DPYD: variants seen among roughly 807,000 people sequenced by gnomAD.
DPYD encodes the protein dihydropyrimidine dehydrogenase [NADP(+)].
Under a neutral mutation model 116.2 loss-of-function variants are expected in DPYD, and 109 were observed. The observed-to-expected ratio is 0.94, with a 90% confidence interval of 0.80 to 1.10. The LOEUF (loss-of-function observed/expected upper bound fraction) is 1.10, where lower values mean the gene tolerates loss of function less well. Ranked by LOEUF, DPYD falls within the 50% of genes least tolerant of loss-of-function variation. DPYD has a pLI of 0.00. For missense variants in DPYD, 1,302 were observed against 1,254.5 expected, an observed-to-expected ratio of 1.04 and a Z score of -0.57; for synonymous variants, 440 against 432.0, an observed-to-expected ratio of 1.02 and a Z score of -0.23.
chr1:97,527,828 C>G (rs1649267372), intron 12 of DPYD, among the ~76,000 whole-genome samples: 1 of 146,558 alleles, frequency 6.8e-6, no homozygotes, highest in Non-Finnish European at 1.5e-5. Context: ...GAGAAAAGCA[C>G]TACTAAAAGC....
intron 12 of DPYD, among the ~76,000 whole-genome samples, chr1:97,542,629 G>T (rs1650535536): frequency 6.6e-6 from 1 of 152,026 alleles, no homozygotes; most frequent in African/African-American, 2.4e-5. Context: ...GGTTACCTTT[G>T]TAACTTGATG....
At chr1:97,693,286 G>A (rs1429824773) in intron 6 of DPYD, among the ~76,000 whole-genome samples, 15 of 87,788 alleles carry the variant, frequency 1.7e-4, no homozygotes, top group Admixed American at 8.8e-4. Context: ...GCCAGACTCC[G>A]TCTCAAAAAA....
At chr1:97,654,532 G>A (rs531172641) in intron 8 of DPYD, among the ~76,000 whole-genome samples, 12 of 151,974 alleles carry the variant, frequency 7.9e-5, no homozygotes, top group East Asian at 3.9e-4. Context: ...ATATTTTCAC[G>A]ATTATGTGAG....
At chr1:97,460,627 G>C (rs2101821775) in intron 13 of DPYD, among the ~76,000 whole-genome samples, 1 of 152,284 alleles carries the variant, frequency 6.6e-6, no homozygotes, top group Non-Finnish European at 1.5e-5. Context: ...AGTGCAGGGA[G>C]AGGCCTTCTC....
In DPYD at chr1:97,324,781, T is replaced by C. The variant is rs114255431; in HGVS notation, c.2059-18484A>G. ...AGGAGACCCTTGCAGAAAGAAGTGA[T>C]AAATATCACCCAGATCCAGGAAAGC... On this transcript the variant is annotated intron_variant, in intron 16 of 22. Transcript: ENST00000370192. Among the ~76,000 whole-genome samples the C allele has an allele frequency of 4.4e-3, 668 of 152,148 alleles. 3 individuals carry two copies. Among genetic ancestry groups the C allele is most frequent in the African/African-American group, 0.015 (625 of 41,546 alleles).
chr1:97,097,028 T>C (rs971057951), intron 21 of DPYD, among the ~76,000 whole-genome samples: 1 of 152,134 alleles, frequency 6.6e-6, no homozygotes, highest in Non-Finnish European at 1.5e-5. Flanking sequence ...TAGCCACACA[T>C]TGGCAAAAAG....
chr1:97,706,907 A>T (rs1661995279), intron 5 of DPYD, among the ~76,000 whole-genome samples: 1 of 152,070 alleles, frequency 6.6e-6, no homozygotes, highest in Non-Finnish European at 1.5e-5. Flanking sequence ...TTAATTTTGC[A>T]AGATACTGTC....
chr1:97,569,636 C>T (rs564544827), intron 11 of DPYD, among the ~76,000 whole-genome samples: 3 of 151,662 alleles, frequency 2.0e-5, no homozygotes, highest in South Asian at 2.1e-4. Flanking sequence ...GATATGGAGT[C>T]GTACATTCTT....
At chr1:97,810,270 G>C (rs1668285835) in intron 3 of DPYD, among the ~76,000 whole-genome samples, 1 of 111,218 alleles carries the variant, frequency 9.0e-6, no homozygotes, top group African/African-American at 3.5e-5. Flanking sequence ...CTGGGCAACA[G>C]AGTGAGACTC....
At chr1:97,357,310 T>G (rs537912429) in intron 16 of DPYD, among the ~76,000 whole-genome samples, 2 of 152,320 alleles carry the variant, frequency 1.3e-5, no homozygotes, top group South Asian at 2.1e-4. Flanking sequence ...TCATTGATTT[T>G]TGTTTATTGA....
chr1:97,250,226 C>T lies in DPYD; in HGVS notation c.2300-15232G>A, dbSNP rs145746323. On this transcript the variant is annotated intron_variant, in intron 18 of 22. Transcript: ENST00000370192. ...CGGAGGTTGCAGTGAGCCGAGATCACGCCATTGCACCCCAGCCCAGGCAAC... is the reference window on the plus strand; with the variant it reads ...CGGAGGTTGCAGTGAGCCGAGATCATGCCATTGCACCCCAGCCCAGGCAAC... 2.1e-3 allele frequency among the ~76,000 whole-genome samples: 318 copies of T among 152,028 alleles called. 1 individual carries two copies. In the East Asian group the frequency reaches 0.027, roughly 13 times the overall value.
intron 3 of DPYD, among the ~76,000 whole-genome samples, chr1:97,808,547 T>C (rs543271490): frequency 1.3e-5 from 2 of 152,198 alleles, no homozygotes; most frequent in African/African-American, 4.8e-5. Flanking sequence ...ATTTCCTACA[T>C]GGACAATCAT....
At chr1:97,247,864 T>C (rs554723097) in intron 18 of DPYD, among the ~76,000 whole-genome samples, 2 of 152,264 alleles carry the variant, frequency 1.3e-5, no homozygotes, top group African/African-American at 4.8e-5. Context: ...GTTGAATTCA[T>C]AATAAAAAAC....
At chr1:97,573,688 G>A (rs2102181226) in intron 11 of DPYD, 72 bp downstream of exon 11, 2 of 1,580,584 alleles carry the variant, frequency 1.3e-6, no homozygotes, top group Non-Finnish European at 8.7e-7. Flanking sequence ...ACAATTCCCT[G>A]AAAGCTAGAA....
rs146972655 is a variant in DPYD, at chr1:97,580,205, C to A, written c.1129-6235G>T. ...AAATTCTGGAATAACTTCTAATAAG[C>A]CAAAGTTTGAGAAGCAATATGAAGA... On this transcript the variant is annotated intron_variant, in intron 10 of 22. Coordinates refer to ENST00000370192, the MANE Select transcript of DPYD (RefSeq NM_000110.4). 7.6e-4 allele frequency among the ~76,000 whole-genome samples: 116 copies of A among 152,284 alleles called. No individual in the cohort carries two copies. The East Asian group carries it at 0.022, about 29-fold the overall frequency.
chr1:97,487,641 C>A (rs1678723485), intron 13 of DPYD, among the ~76,000 whole-genome samples: 1 of 152,132 alleles, frequency 6.6e-6, no homozygotes, highest in South Asian at 2.1e-4. Context: ...CCACTGCACT[C>A]CAGCCTGGGC....
In DPYD at chr1:97,699,345, C is replaced by A; in HGVS notation, c.680+6G>T. On this transcript the variant is annotated splice_donor_region_variant and intron_variant, in intron 6 of 22. Transcript: ENST00000370192. ...ACTATAAACATGAAATAAATGTAGGCATTACCTTAAACCACCAACATATTC... is the reference window on the plus strand; with the variant it reads ...ACTATAAACATGAAATAAATGTAGGAATTACCTTAAACCACCAACATATTC... 6.2e-7 allele frequency: 1 copy of A among 1,611,814 alleles called. No homozygotes were observed. Among genetic ancestry groups the A allele is most frequent in the Non-Finnish European group, 8.5e-7 (1 of 1,178,048 alleles).
At chr1:97,490,316 A>T (rs1678897219) in intron 13 of DPYD, among the ~76,000 whole-genome samples, 1 of 148,400 alleles carries the variant, frequency 6.7e-6, no homozygotes, top group Non-Finnish European at 1.5e-5. Flanking sequence ...CTACTAATAT[A>T]ATATAGAATA....
intron 18 of DPYD, among the ~76,000 whole-genome samples, chr1:97,260,122 A>G (rs933312696): frequency 6.6e-6 from 1 of 152,138 alleles, no homozygotes; most frequent in Non-Finnish European, 1.5e-5. Flanking sequence ...GCAACATGTA[A>G]TAAATGTGCT....
Sources: gnomAD v4.1 joint callset for allele counts (sites outside exome capture counted in the v4.1 genomes callset) on GRCh38, gnomAD v4.1.1 for gene constraint, MANE v1.5 for transcripts, NCBI Gene and HGNC (gene_info 2026-07-23, HGNC 2026-07-21) for gene names.